The following CELF2 variants were observed in gnomAD, a reference collection of about 807,000 sequenced individuals.
CELF2 encodes the protein CUG triplet repeat RNA-binding protein 2.
A neutral mutation model predicts 62.6 loss-of-function variants in CELF2; 8 were observed. The observed-to-expected ratio is 0.13, with a 90% confidence interval of 0.07 to 0.23. The LOEUF is 0.23. Ranked by LOEUF, CELF2 falls within the 10% of genes least tolerant of loss-of-function variation. The pLI is 1.00. For missense variants in CELF2, 333 were observed against 671.0 expected (o/e 0.50, Z 5.56); for synonymous variants, 258 against 250.0 (o/e 1.03, Z -0.30).
the CELF2 span, among the ~76,000 whole-genome samples, chr10:10,466,866 T>A: frequency 6.6e-6 from 1 of 152,102 alleles, no homozygotes; most frequent in Non-Finnish European, 1.5e-5. Flanking sequence ...TAATATTTTG[T>A]CCAATTTTTA....
the CELF2 span, among the ~76,000 whole-genome samples, chr10:10,761,315 T>G: frequency 3.5e-4 from 53 of 152,196 alleles, no homozygotes; most frequent in African/African-American, 1.2e-3. Flanking sequence ...AGAAATAAAT[T>G]TGAAGAAAAA....
chr10:11,301,327 C>T (rs2093692165), intron 9 of CELF2, among the ~76,000 whole-genome samples: 1 of 151,340 alleles, frequency 6.6e-6, no homozygotes, highest in South Asian at 2.1e-4. Flanking sequence ...ATAAGAAGCC[C>T]ACTGGAGCCC....
At chr10:10,855,846 G>C (rs1356589356) in intron 1 of CELF2, among the ~76,000 whole-genome samples, 6 of 152,114 alleles carry the variant, frequency 3.9e-5, no homozygotes, top group Non-Finnish European at 7.4e-5. Context: ...CCAGCATGTA[G>C]TAGATATTAG....
Position 11,321,053 on chromosome 10 carries a change from T to C in CELF2, c.1097-136T>C, listed in dbSNP as rs1470571342. On this transcript the variant is annotated intron_variant, in intron 10 of 12. Transcript: ENST00000633077. This position sits in a 1 kb window ranked among gnomAD's most constrained non-coding sequence, Gnocchi z 6.2. Reference sequence around the variant, plus strand: ...TATTTCTTCATGGTTTCATTTTTAGTTTCCTGTCAGTGTAATTGTGTGCTA... The same window carrying C: ...TATTTCTTCATGGTTTCATTTTTAGCTTCCTGTCAGTGTAATTGTGTGCTA... The C allele has an allele frequency of 6.1e-6, 8 of 1,311,364 alleles. No individual in the cohort carries two copies. Among genetic ancestry groups the C allele is most frequent in the Admixed American group, 4.3e-5 (2 of 46,582 alleles). The allele number at this position is 1,311,364 out of a possible 1,614,324, so 81.2% of individuals were successfully genotyped here. A position where few individuals can be genotyped will look rare whatever the true frequency, so the allele number is the denominator to read the frequency against.
intron 1 of CELF2, among the ~76,000 whole-genome samples, chr10:11,088,885 C>T (rs2047539133): frequency 6.6e-6 from 1 of 152,186 alleles, no homozygotes. Context: ...GCTAGCACAT[C>T]TGACAGGTGG....
intron 5 of CELF2, among the ~76,000 whole-genome samples, chr10:11,262,097 C>T (rs1288253600): frequency 2.0e-5 from 3 of 152,160 alleles, no homozygotes; most frequent in Non-Finnish European, 4.4e-5. Context: ...TAACTTTCTG[C>T]TTGTTTAAGA....
intron 1 of CELF2, among the ~76,000 whole-genome samples, chr10:11,136,703 A>G (rs1341219139): frequency 1.3e-5 from 2 of 152,232 alleles, no homozygotes; most frequent in Non-Finnish European, 2.9e-5. Flanking sequence ...TAAGGCTAAC[A>G]ATAACAGTGT....
rs959678681 is a variant in CELF2 at position 11,224,431 on chromosome 10, C to T, written c.354+6924C>T. On this transcript the variant is annotated intron_variant, in intron 3 of 12. Transcript: ENST00000633077. This position sits in a 1 kb window ranked among gnomAD's most constrained non-coding sequence, Gnocchi z 4.5. ...GATTTCAGAGATAATCATTTCTCTA[C>T]GACAGCCCAAGATTAAACTGGGAAT... 6.6e-6 allele frequency among the ~76,000 whole-genome samples: 1 copy of T among 152,106 alleles called. No individual in the cohort carries two copies. The highest frequency in any genetic ancestry group is 1.5e-5 in the Non-Finnish European group (1 of 68,034).
the CELF2 span, among the ~76,000 whole-genome samples, chr10:10,536,483 G>C: frequency 6.6e-6 from 1 of 152,228 alleles, no homozygotes; most frequent in Admixed American, 6.5e-5. Flanking sequence ...TTTAAGTGAA[G>C]TGTTCCTCAC....
At chr10:10,598,467 G>A in the CELF2 span, among the ~76,000 whole-genome samples, 3 of 152,206 alleles carry the variant, frequency 2.0e-5, no homozygotes, top group African/African-American at 7.2e-5. Flanking sequence ...GGCCACTGCA[G>A]AAGTCTCACA....
At chr10:11,089,558 G>A (rs377538993) in intron 1 of CELF2, among the ~76,000 whole-genome samples, 10 of 152,298 alleles carry the variant, frequency 6.6e-5, no homozygotes, top group South Asian at 4.1e-4. Flanking sequence ...AATGAAGAGC[G>A]TGAAGACAGG....
chr10:10,562,217 T>A, the CELF2 span, among the ~76,000 whole-genome samples: 4 of 152,124 alleles, frequency 2.6e-5, no homozygotes, highest in African/African-American at 7.2e-5. Flanking sequence ...GCAACACTTT[T>A]CTCTCCATCT....
At position 11,039,665 on chromosome 10, in the gene CELF2, G is replaced by A. The variant is rs1249766437; in HGVS notation, c.74+21502G>A. Among the ~76,000 whole-genome samples the A allele has an allele frequency of 6.6e-6, 1 of 152,196 alleles. No individual in the cohort carries two copies. The highest frequency in any genetic ancestry group is 1.5e-5 in the Non-Finnish European group (1 of 68,038). Reference sequence around the variant, plus strand: ...ATTTAAAGCCACTCAATGGAAGATAGGTTAAGTGTACTTCATAATTTTGAT... The same window carrying A: ...ATTTAAAGCCACTCAATGGAAGATAAGTTAAGTGTACTTCATAATTTTGAT... On this transcript the variant is annotated intron_variant, in intron 1 of 12. Transcript: ENST00000633077. This position sits in a 1 kb window ranked among gnomAD's most constrained non-coding sequence, Gnocchi z 4.1.
chr10:11,110,759 C>A lies in CELF2; in HGVS notation c.75-54727C>A, dbSNP rs116421393. Among the ~76,000 whole-genome samples, 272 of 152,198 alleles carry A rather than the reference C, an allele frequency of 1.8e-3. 1 individual carries two copies. Among genetic ancestry groups the A allele is most frequent in the African/African-American group, 6.2e-3 (258 of 41,536 alleles). On this transcript the variant is annotated intron_variant, in intron 1 of 12. Coordinates refer to ENST00000633077, the MANE Select transcript of CELF2 (RefSeq NM_001326342.2). The surrounding 1 kb of genome is among the most constrained non-coding windows in gnomAD (Gnocchi z 4.0). ...CTGGAATTCCAGAGTACAGTGTGCC[C>A]ACGGGAGGCCTCATCCGGGGGCAGT...
chr10:10,666,079 T>C, the CELF2 span, among the ~76,000 whole-genome samples: 1 of 152,200 alleles, frequency 6.6e-6, no homozygotes, highest in African/African-American at 2.4e-5. Context: ...TGGCTGTGTT[T>C]CCAGGTATCT....
rs539669240 is a variant in CELF2 at position 10,940,121 on chromosome 10, G to A, written c.89+20122G>A. On this transcript the variant is annotated intron_variant, in intron 2 of 13. Coordinates refer to the CELF2 transcript ENST00000636488. ...CCAGGTTTATTATGTGTGTGGAGGTGGGAAAAGAAAGAAAAAGGGTTGGCA... is the reference window on the plus strand; with the variant it reads ...CCAGGTTTATTATGTGTGTGGAGGTAGGAAAAGAAAGAAAAAGGGTTGGCA... Among the ~76,000 whole-genome samples, 124 of 152,198 alleles carry A rather than the reference G, an allele frequency of 8.1e-4. 2 individuals are homozygous for A. The highest frequency in any genetic ancestry group is 1.5e-3 in the Non-Finnish European group (104 of 68,006).
At chr10:10,864,893 C>T (rs74115434) in intron 1 of CELF2, among the ~76,000 whole-genome samples, 159 of 152,272 alleles carry the variant, frequency 1.0e-3, no homozygotes, top group African/African-American at 3.6e-3. Flanking sequence ...CAGATACTAT[C>T]ATCTAGAGAT....
At chr10:10,564,905 T>A in the CELF2 span, among the ~76,000 whole-genome samples, 1 of 152,110 alleles carries the variant, frequency 6.6e-6, no homozygotes. Context: ...CAACCTACAA[T>A]GTGCCAGGCA....
the CELF2 span, among the ~76,000 whole-genome samples, chr10:10,528,267 A>G: frequency 6.6e-6 from 1 of 152,288 alleles, no homozygotes; most frequent in Admixed American, 6.5e-5. Flanking sequence ...GGAAGCCATA[A>G]AGAACAAAAG....
Sources: allele counts gnomAD v4.1 joint callset (sites outside exome capture counted in the v4.1 genomes callset), GRCh38; gene constraint gnomAD v4.1.1; non-coding constraint Gnocchi (gnomAD v3.1); transcripts MANE v1.5; gene names NCBI Gene and HGNC (gene_info 2026-07-23, HGNC 2026-07-21).